ITGA9: variants seen among roughly 807,000 people sequenced by gnomAD.
ITGA9 encodes the protein integrin subunit alpha 9, also known as integrin alpha-9.
In ITGA9, 56 loss-of-function variants were observed where a neutral mutation model predicts 127.8. That is an observed-to-expected ratio of 0.44 (90% confidence interval 0.35 to 0.55). The LOEUF is 0.55. Among genes scored for constraint, ITGA9 ranks in the 20% least tolerant of loss-of-function variants. The probability of loss-of-function intolerance (pLI) is 0.00; values close to 1 mark genes in which losing one functional copy is unlikely to be tolerated. For missense variants in ITGA9, 1,196 were observed against 1,347.1 expected, an observed-to-expected ratio of 0.89 and a Z score of 1.76; for synonymous variants, 508 against 514.5, an observed-to-expected ratio of 0.99 and a Z score of 0.17.
chr3:37,786,550 G>A (rs909877063), intron 26 of ITGA9, among the ~76,000 whole-genome samples: 13 of 151,996 alleles, frequency 8.6e-5, no homozygotes, highest in Non-Finnish European at 1.8e-4. Context: ...CCAAGATCAT[G>A]CCACTCTGCT....
chr3:37,671,529 G>A (rs1700637473), intron 17 of ITGA9, among the ~76,000 whole-genome samples: 1 of 152,086 alleles, frequency 6.6e-6, no homozygotes, highest in South Asian at 2.1e-4. Context: ...TTGTTGCTAG[G>A]GAAACCACTA....
intron 11 of ITGA9, among the ~76,000 whole-genome samples, chr3:37,521,758 C>A (rs1377094967): frequency 6.6e-6 from 1 of 152,208 alleles, no homozygotes; most frequent in African/African-American, 2.4e-5. Context: ...TCTTGGACTT[C>A]AGAGCCAAGA....
chr3:37,750,546 A>T lies in ITGA9; in HGVS notation c.2518A>T (p.Met840Leu), dbSNP rs1696570709. 1 of 1,611,620 alleles carries T rather than the reference A, an allele frequency of 6.2e-7. No homozygotes were observed. Among genetic ancestry groups the T allele is most frequent in the African/African-American group, 1.3e-5 (1 of 74,998 alleles). Residue 840 changes from methionine to leucine, a missense_variant, in exon 23 of 28, where the codon ATG (methionine) becomes TTG (leucine). Met to Leu is a conservative substitution (Grantham distance 15). Transcript: ENST00000264741. ...PNRLSSGGAE[M>L]FHVQEMVVGQ... ...TCGACTCTCATCTGGTGGTGCAGAG[A>T]TGTTTCATGTCCAGGAAATGGTGGT...
chr3:37,681,005 CAT>C (rs1414843294), intron 17 of ITGA9, among the ~76,000 whole-genome samples: 1 of 152,210 alleles, frequency 6.6e-6, no homozygotes, highest in Non-Finnish European at 1.5e-5. Context: ...TCTCATTGCA[CAT>C]GTTATTCTTG....
rs1358189194 is a variant in ITGA9 at position 37,462,194 on chromosome 3, C to A, written c.186-8813C>A. Among the ~76,000 whole-genome samples, 4 of 152,318 alleles carry A rather than the reference C, an allele frequency of 2.6e-5. No homozygotes were observed. In the South Asian group the frequency reaches 6.2e-4, roughly 24 times the overall value. On this transcript the variant is annotated intron_variant, in intron 1 of 27. Transcript: ENST00000264741. Reference sequence around the variant, plus strand: ...CTCAGTGTGTCTGCCAAGACCTGAGCCCCAGGCCAGGGCAGCAGCCTCTGA... The same window carrying A: ...CTCAGTGTGTCTGCCAAGACCTGAGACCCAGGCCAGGGCAGCAGCCTCTGA...
At chr3:37,520,803 C>T (rs1017052133) in intron 11 of ITGA9, among the ~76,000 whole-genome samples, 10 of 152,190 alleles carry the variant, frequency 6.6e-5, no homozygotes, top group African/African-American at 2.2e-4. Context: ...CTAAAAGTCA[C>T]CCAAGGAGCC....
intron 21 of ITGA9, among the ~76,000 whole-genome samples, chr3:37,742,420 G>T (rs1042945039): frequency 1.3e-5 from 2 of 152,182 alleles, no homozygotes; most frequent in South Asian, 2.1e-4. Context: ...ATTCAGTGCC[G>T]CTGGCATTGT....
At chr3:37,665,977 A>G (rs915444173) in intron 17 of ITGA9, among the ~76,000 whole-genome samples, 1 of 152,166 alleles carries the variant, frequency 6.6e-6, no homozygotes, top group Non-Finnish European at 1.5e-5. Context: ...TGTTCACCTG[A>G]TGAGAGGTGA....
chr3:37,795,546 G>C (rs961527106), intron 26 of ITGA9, among the ~76,000 whole-genome samples: 8 of 152,094 alleles, frequency 5.3e-5, no homozygotes, highest in African/African-American at 1.9e-4. Context: ...TGTCTCAAAG[G>C]CCTGTTTGCC....
chr3:37,776,016 A>G (rs1696903037), intron 23 of ITGA9, among the ~76,000 whole-genome samples: 1 of 152,248 alleles, frequency 6.6e-6, no homozygotes, highest in Non-Finnish European at 1.5e-5. Flanking sequence ...AAAGAATGAG[A>G]TCATGCCCTT....
chr3:37,756,297 T>C (rs1438629579), intron 23 of ITGA9, among the ~76,000 whole-genome samples: 2 of 152,162 alleles, frequency 1.3e-5, no homozygotes, highest in Non-Finnish European at 2.9e-5. Flanking sequence ...AAAGATTTAG[T>C]CCACTAAGAA....
chr3:37,823,097 A>G lies in ITGA9; in HGVS notation c.*4108A>G, dbSNP rs536700097. ...GTAGGGCCAAAATGAAACTTCTAGGATGTCTTCTGAATTTTCAGCACATGG... is the reference window on the plus strand; with the variant it reads ...GTAGGGCCAAAATGAAACTTCTAGGGTGTCTTCTGAATTTTCAGCACATGG... On this transcript the variant is annotated 3_prime_UTR_variant, in exon 28 of 28. Transcript: ENST00000264741. 4 of 152,334 alleles carry G rather than the reference A, an allele frequency of 2.6e-5. No individual in the cohort carries two copies. Among genetic ancestry groups the G allele is most frequent in the East Asian group, 1.9e-4 (1 of 5,180 alleles). The allele number at this position is 152,334 out of a possible 1,614,324, so 9.4% of individuals were successfully genotyped here. A position where few individuals can be genotyped will look rare whatever the true frequency, so the allele number is the denominator to read the frequency against.
At chr3:37,747,852 C>G (rs1696523903) in intron 22 of ITGA9, among the ~76,000 whole-genome samples, 1 of 152,054 alleles carries the variant, frequency 6.6e-6, no homozygotes, top group African/African-American at 2.4e-5. Flanking sequence ...CCTCAGCCTC[C>G]TGAGTAGCTG....
chr3:37,619,840 G>C (rs960089883), intron 15 of ITGA9, among the ~76,000 whole-genome samples: 1 of 152,158 alleles, frequency 6.6e-6, no homozygotes, highest in Admixed American at 6.5e-5. Flanking sequence ...ACTAGCAGAA[G>C]ACTCTTTTTG....
intron 1 of ITGA9, among the ~76,000 whole-genome samples, chr3:37,458,592 C>T (rs1484600641): frequency 3.9e-5 from 6 of 152,326 alleles, no homozygotes; most frequent in South Asian, 2.1e-4. Context: ...GCTGACATTC[C>T]GCCTTGCAGC....
At chr3:37,774,435 C>T (rs1178629584) in intron 23 of ITGA9, among the ~76,000 whole-genome samples, 1 of 151,682 alleles carries the variant, frequency 6.6e-6, no homozygotes, top group Non-Finnish European at 1.5e-5. Flanking sequence ...TGGCTCATGC[C>T]TATAATCCCA....
chr3:37,745,013 C>T (rs1696484420), intron 22 of ITGA9, among the ~76,000 whole-genome samples: 1 of 152,216 alleles, frequency 6.6e-6, no homozygotes, highest in East Asian at 1.9e-4. Context: ...CTGGTTCTAC[C>T]TCCCAGAACT....
At chr3:37,711,410 C>T (rs949916427) in intron 18 of ITGA9, among the ~76,000 whole-genome samples, 2 of 152,190 alleles carry the variant, frequency 1.3e-5, no homozygotes, top group Non-Finnish European at 2.9e-5. Context: ...TCACTTCTGC[C>T]ACATTCTGTT....
At chr3:37,553,145 C>T (rs1699395017) in intron 15 of ITGA9, among the ~76,000 whole-genome samples, 1 of 152,136 alleles carries the variant, frequency 6.6e-6, no homozygotes, top group Non-Finnish European at 1.5e-5. Flanking sequence ...AATTTTCTAT[C>T]TATTCGTACT....
Sources: gnomAD v4.1 joint callset for allele counts (sites outside exome capture counted in the v4.1 genomes callset) on GRCh38, gnomAD v4.1.1 for gene constraint, MANE v1.5 for transcripts, NCBI Gene and HGNC (gene_info 2026-07-23, HGNC 2026-07-21) for gene names.